PLXDC2: variants seen among roughly 807,000 people sequenced by gnomAD.
The protein encoded by PLXDC2 is plexin domain containing 2.
PLXDC2 carries 40 observed loss-of-function variants against 68.9 expected under a neutral mutation model. The ratio of observed to expected loss-of-function variants is 0.58; its 90% CI spans 0.45 to 0.76. The LOEUF (loss-of-function observed/expected upper bound fraction) is 0.76. Among genes scored for constraint, PLXDC2 ranks in the 30% least tolerant of loss-of-function variants. The pLI, the probability that PLXDC2 is intolerant of heterozygous loss-of-function variation, is 0.00. For missense variants in PLXDC2, 644 were observed against 661.9 expected (o/e 0.97, Z 0.30); for synonymous variants, 243 against 234.2 (o/e 1.04, Z -0.34).
chr10:19,883,884 C>CATTTTTTTTTTTTTTTT (rs1837786499), intron 1 of PLXDC2, among the ~76,000 whole-genome samples: 1 of 55,090 alleles, frequency 1.8e-5, no homozygotes, highest in African/African-American at 9.2e-5. Context: ...TCCCTTTAAA[C>CATTTTTTTTTTTTTTTT]TTTTTTTTTT....
intron 2 of PLXDC2, among the ~76,000 whole-genome samples, chr10:20,046,251 A>C (rs1300838241): frequency 4.6e-5 from 7 of 152,130 alleles, no homozygotes; most frequent in Admixed American, 2.6e-4. Flanking sequence ...CTTTGTACCC[A>C]GTATATATTT....
rs1361656039 is a variant in PLXDC2, at chr10:20,289,562, G to T, written c.*9743G>T. ...TGGATGTGTGCCTCAGGTAATTTAT[G>T]TGGAATGTGTAAAGCAAGATGTCTC... On this transcript the variant is annotated 3_prime_UTR_variant, in exon 14 of 14. Coordinates refer to ENST00000377252, the MANE Select transcript of PLXDC2 (RefSeq NM_032812.9). 6.6e-6 allele frequency: 1 copy of T among 152,158 alleles called. No individual in the cohort carries two copies. Among genetic ancestry groups the T allele is most frequent in the Non-Finnish European group, 1.5e-5 (1 of 68,052 alleles). The allele number at this position is 152,158 out of a possible 1,614,324, so 9.4% of individuals were successfully genotyped here.
intron 9 of PLXDC2, among the ~76,000 whole-genome samples, chr10:20,204,967 T>C (rs553135169): frequency 2.0e-5 from 3 of 152,332 alleles, no homozygotes; most frequent in African/African-American, 7.2e-5. Flanking sequence ...CATGTTCAAT[T>C]GCTCAGTAAG....
At chr10:20,088,887 G>A (rs1665172356) in intron 4 of PLXDC2, among the ~76,000 whole-genome samples, 1 of 152,164 alleles carries the variant, frequency 6.6e-6, no homozygotes, top group African/African-American at 2.4e-5. Context: ...TGATTTAGGA[G>A]TATTAATACT....
At chr10:20,032,615 A>G (rs1835517792) in intron 2 of PLXDC2, among the ~76,000 whole-genome samples, 1 of 152,070 alleles carries the variant, frequency 6.6e-6, no homozygotes. Context: ...TTGTTTTTTG[A>G]GATCCTAAAA....
chr10:20,121,989 G>A (rs1481367829), intron 4 of PLXDC2, among the ~76,000 whole-genome samples: 3 of 151,934 alleles, frequency 2.0e-5, no homozygotes, highest in Non-Finnish European at 4.4e-5. Flanking sequence ...AGGGAGTAGA[G>A]GTATCTTATA....
intron 13 of PLXDC2, among the ~76,000 whole-genome samples, chr10:20,246,315 A>T (rs538635246): frequency 3.9e-5 from 6 of 152,288 alleles, no homozygotes; most frequent in African/African-American, 1.4e-4. Context: ...GTCCTCCAGA[A>T]GGTTGGGTTT....
intron 3 of PLXDC2, among the ~76,000 whole-genome samples, chr10:20,053,410 G>A (rs574900102): frequency 1.3e-5 from 2 of 152,198 alleles, no homozygotes; most frequent in African/African-American, 2.4e-5. Context: ...GGTAAGCAAC[G>A]AGGCAGGCAC....
intron 9 of PLXDC2, among the ~76,000 whole-genome samples, chr10:20,203,824 G>C (rs954961399): frequency 6.6e-6 from 1 of 152,110 alleles, no homozygotes; most frequent in African/African-American, 2.4e-5. Context: ...AGTGATCCCA[G>C]TTTTCCATCT....
At chr10:20,114,854 C>T (rs1833602037) in intron 4 of PLXDC2, among the ~76,000 whole-genome samples, 1 of 152,140 alleles carries the variant, frequency 6.6e-6, no homozygotes, top group South Asian at 2.1e-4. Flanking sequence ...GAGGGCTTTA[C>T]ATGGCAAGCT....
intron 4 of PLXDC2, among the ~76,000 whole-genome samples, chr10:20,084,700 C>A (rs913271595): frequency 6.6e-6 from 1 of 151,992 alleles, no homozygotes; most frequent in African/African-American, 2.4e-5. Flanking sequence ...TCTAAAAAGA[C>A]AGTTGTGTTT....
chr10:19,994,172 A>G (rs2131631226), intron 1 of PLXDC2, among the ~76,000 whole-genome samples: 1 of 151,300 alleles, frequency 6.6e-6, no homozygotes, highest in African/African-American at 2.4e-5. Flanking sequence ...GCTAAACATT[A>G]CCCAACTGTC....
chr10:20,271,146 C>T (rs1014347929), intron 13 of PLXDC2, among the ~76,000 whole-genome samples: 118 of 151,622 alleles, frequency 7.8e-4, no homozygotes, highest in African/African-American at 2.6e-3. Context: ...CACACACACA[C>T]ACACACACAC....
chr10:20,246,552 G>A (rs1213961754), intron 13 of PLXDC2, among the ~76,000 whole-genome samples: 1 of 152,172 alleles, frequency 6.6e-6, no homozygotes. Context: ...GCTTTGCCAT[G>A]TTGGCCAGAC....
In PLXDC2 at chr10:20,009,677, G is replaced by A. The variant is rs928360449; in HGVS notation, c.324+7691G>A. ...AGAGGCAGGATTAATGCAGTGATGA[G>A]GTGTCATCTGAACCAAGTCACGAAG... On this transcript the variant is annotated intron_variant, in intron 2 of 13. Transcript: ENST00000377252. 6.0e-5 allele frequency among the ~76,000 whole-genome samples: 9 copies of A among 150,416 alleles called. 1 individual carries two copies. In the South Asian group the frequency reaches 1.3e-3, roughly 21 times the overall value.
chr10:20,040,239 C>T (rs1426991432), intron 2 of PLXDC2, among the ~76,000 whole-genome samples: 1 of 152,016 alleles, frequency 6.6e-6, no homozygotes, highest in East Asian at 1.9e-4. Flanking sequence ...TCCACATTAC[C>T]ACTCGCCAGT....
chr10:20,255,197 A>C (rs1374010101), intron 13 of PLXDC2, among the ~76,000 whole-genome samples: 1 of 140,302 alleles, frequency 7.1e-6, no homozygotes, highest in Non-Finnish European at 1.5e-5. Flanking sequence ...GGATGGATAG[A>C]TAGATAGATA....
chr10:19,927,111 A>G (rs1431230025), intron 1 of PLXDC2, among the ~76,000 whole-genome samples: 5 of 152,168 alleles, frequency 3.3e-5, no homozygotes, highest in Non-Finnish European at 5.9e-5. Context: ...TTTATTCAGT[A>G]GTCATTCAGT....
intron 1 of PLXDC2, among the ~76,000 whole-genome samples, chr10:19,866,751 G>A (rs1361737954): frequency 1.3e-5 from 2 of 152,172 alleles, no homozygotes; most frequent in Non-Finnish European, 2.9e-5. Context: ...AAGAGGCAAA[G>A]AATTGAAAGG....
Sources: gnomAD v4.1 joint callset for allele counts (sites outside exome capture counted in the v4.1 genomes callset) on GRCh38, gnomAD v4.1.1 for gene constraint, MANE v1.5 for transcripts, NCBI Gene and HGNC (gene_info 2026-07-23, HGNC 2026-07-21) for gene names.